Variants in UNC93B1 observed in about 807,000 individuals in gnomAD.
UNC93B1 encodes the protein unc-93B1 regulator of TLR signaling.
In UNC93B1, 33 loss-of-function variants were observed where a neutral mutation model predicts 56.8. The ratio of observed to expected loss-of-function variants is 0.58; its 90% CI spans 0.44 to 0.78. The LOEUF (loss-of-function observed/expected upper bound fraction) is 0.78. UNC93B1 is among the 30% of genes least tolerant of loss of function. The pLI is 0.00. For missense variants in UNC93B1, 673 were observed against 819.5 expected (o/e 0.82, Z 2.18); for synonymous variants, 334 against 358.6 (o/e 0.93, Z 0.77).
At position 68,003,901 on chromosome 11, in the gene UNC93B1, T is replaced by G. The variant is rs541882491; in HGVS notation, c.96+47A>C. On this transcript the variant is annotated intron_variant, in intron 1 of 10. Transcript: ENST00000227471. This position sits in a 1 kb window ranked among gnomAD's most constrained non-coding sequence, Gnocchi z 4.4. Reference sequence around the variant, plus strand: ...CGCCCCGCCCCCGCCGGGGGGACCCTGGCCCACAGGGGACGCCCGCGCCTC... The same window carrying G: ...CGCCCCGCCCCCGCCGGGGGGACCCGGGCCCACAGGGGACGCCCGCGCCTC... 528 of 1,306,824 alleles carry G rather than the reference T, an allele frequency of 4.0e-4. 1 individual carries two copies. The highest frequency in any genetic ancestry group is 6.7e-4 in the Admixed American group (19 of 28,192). The allele number at this position is 1,306,824 out of a possible 1,614,324, so 81.0% of individuals were successfully genotyped here.
At position 67,997,787 on chromosome 11, in the gene UNC93B1, T is replaced by A; in HGVS notation, c.794A>T (p.His265Leu). Reference sequence around the variant, plus strand: ...CTTGTTGAAGCCGCTGAGGATCCCGTGGCTGTTGGTGCCTGGGAAGGGTGG... The same window carrying A: ...CTTGTTGAAGCCGCTGAGGATCCCGAGGCTGTTGGTGCCTGGGAAGGGTGG... ...YNVQSCGTNS[H>L]GILSGFNKTV... The change falls in exon 7 of 11, where the codon CAC becomes CTC. Residue 265 changes from histidine to leucine, a missense_variant. His to Leu is a moderately conservative substitution (Grantham distance 99). This residue lies in a region of UNC93B1 where 438 missense variants were observed against 465.9 expected (regional missense o/e 0.94). Transcript: ENST00000227471. 1 of 1,608,158 alleles carries A rather than the reference T, an allele frequency of 6.2e-7. No homozygotes were observed.
intron 10 of UNC93B1, among the ~76,000 whole-genome samples, chr11:67,992,586 C>T (rs1428393761): frequency 6.6e-6 from 1 of 152,102 alleles, no homozygotes; most frequent in African/African-American, 2.4e-5. Context: ...AATCCTCCTG[C>T]CTCAGCCTCC....
At position 68,003,676 on chromosome 11, in the gene UNC93B1, G is replaced by T; in HGVS notation, c.219C>A (p.Leu73=). 2.0e-6 allele frequency: 3 copies of T among 1,529,524 alleles called. No individual in the cohort carries two copies. The highest frequency in any genetic ancestry group is 2.6e-6 in the Non-Finnish European group (3 of 1,143,314). 94.7% of individuals were successfully genotyped at this position (1,529,524 alleles called of 1,614,324 possible). Residue 73 remains leucine, a synonymous_variant, in exon 2 of 11, where the codon CTC becomes CTA. Transcript: ENST00000227471. The surrounding 1 kb of genome is among the most constrained non-coding windows in gnomAD (Gnocchi z 4.4). ...NVLAASAGGM[L]TYGVYLGLLQ... ...ACCTACCCAGGTAGACGCCGTAGGTGAGCATGCCCCCGGCGCTGGCAGCCA... is the reference window on the plus strand; with the variant it reads ...ACCTACCCAGGTAGACGCCGTAGGTTAGCATGCCCCCGGCGCTGGCAGCCA...
Position 68,003,493 on chromosome 11 carries a change from A to G in UNC93B1, c.238+164T>C. 7 of 1,097,154 alleles carry G rather than the reference A, an allele frequency of 6.4e-6. No individual in the cohort carries two copies. Among genetic ancestry groups the G allele is most frequent in the Non-Finnish European group, 8.6e-6 (7 of 814,650 alleles). The allele number at this position is 1,097,154 out of a possible 1,614,324, so 68.0% of individuals were successfully genotyped here. ...GGCTGGGACCCGGGGACGCTGCGCT[A>G]CTTGACCCCCCAACCCCACCCCCGC... is the stretch of plus-strand genomic sequence containing the variant. On this transcript the variant is annotated intron_variant, in intron 2 of 10. Transcript: ENST00000227471. This position sits in a 1 kb window ranked among gnomAD's most constrained non-coding sequence, Gnocchi z 4.4.
chr11:67,996,487 G>A, intron 8 of UNC93B1, 115 bp downstream of exon 8: 2 of 1,328,294 alleles, frequency 1.5e-6, no homozygotes, highest in Non-Finnish European at 2.0e-6. Context: ...GGATATTTGG[G>A]ATATACATGT....
chr11:67,995,479 T>C (rs1215422341), intron 9 of UNC93B1, 132 bp downstream of exon 9: 2 of 777,834 alleles, frequency 2.6e-6, no homozygotes, highest in East Asian at 5.6e-5. Flanking sequence ...CTCTGCCATG[T>C]CCACAGGACC....
chr11:68,001,239 G>A (rs377514448), intron 3 of UNC93B1, among the ~76,000 whole-genome samples: 3 of 152,078 alleles, frequency 2.0e-5, no homozygotes, highest in African/African-American at 7.2e-5. Context: ...ATAGAGTGTC[G>A]GGCAGACAGG....
Position 68,003,135 on chromosome 11 carries a change from G to A in UNC93B1, c.279C>T (p.Thr93=), listed in dbSNP as rs1374398015. 8 of 1,613,276 alleles carry A rather than the reference G, an allele frequency of 5.0e-6. No homozygotes were observed. In the East Asian group the frequency reaches 1.6e-4, roughly 31 times the overall value. ...QMQLILHYDE[T]YREVKYGNMG... is the part of the protein sequence containing the mutation. ...TGTTGCCATACTTCACCTCGCGGTA[G>A]GTCTCGTCGTAGTGCAGGATCAGCT... Residue 93 remains threonine, a synonymous_variant, in exon 3 of 11, where the codon ACC becomes ACT. Coordinates refer to ENST00000227471, the MANE Select transcript of UNC93B1 (RefSeq NM_030930.4). This position sits in a 1 kb window ranked among gnomAD's most constrained non-coding sequence, Gnocchi z 4.4.
rs2375181 is a variant in UNC93B1 at position 67,991,637 on chromosome 11, C to T, written c.1703G>A (p.Gly568Glu). 24 of 1,522,104 alleles carry T rather than the reference C, an allele frequency of 1.6e-5. No individual in the cohort carries two copies. In the African/African-American group the frequency reaches 2.5e-4, roughly 16 times the overall value. The allele number at this position is 1,522,104 out of a possible 1,614,324, so 94.3% of individuals were successfully genotyped here. The change falls in exon 11 of 11, where the codon GGG (glycine) becomes GAG (glutamate). Residue 568 changes from glycine (G) to glutamate (E), a missense_variant. Coordinates refer to ENST00000227471, the MANE Select transcript of UNC93B1 (RefSeq NM_030930.4). Reference sequence around the variant, plus strand: ...AGCGGGCTCGGGGCCAGGCCTGGGCCCTGCGGGCGGCGCCTCCTCCTCCGC... The same window carrying T: ...AGCGGGCTCGGGGCCAGGCCTGGGCTCTGCGGGCGGCGCCTCCTCCTCCGC... ...DGAEEEAPPA[G>E]PRPGPEPAGL... is the part of the protein sequence containing the mutation.
At position 68,003,537 on chromosome 11, in the gene UNC93B1, C is replaced by T. The variant is rs1857080950; in HGVS notation, c.238+120G>A. Reference sequence around the variant, plus strand: ...CCCCCGCCGCGGGGGGCCGTGGCTGCAGCTGCGAGGGCAGCGGAGGGGAAG... The same window carrying T: ...CCCCCGCCGCGGGGGGCCGTGGCTGTAGCTGCGAGGGCAGCGGAGGGGAAG... On this transcript the variant is annotated intron_variant, in intron 2 of 10. Transcript: ENST00000227471. This position sits in a 1 kb window ranked among gnomAD's most constrained non-coding sequence, Gnocchi z 4.4. 1 of 1,359,836 alleles carries T rather than the reference C, an allele frequency of 7.4e-7. No homozygotes were observed. Among genetic ancestry groups the T allele is most frequent in the Non-Finnish European group, 9.5e-7 (1 of 1,048,516 alleles). The allele number at this position is 1,359,836 out of a possible 1,614,324, so 84.2% of individuals were successfully genotyped here. A position where few individuals can be genotyped will look rare whatever the true frequency, so the allele number is the denominator to read the frequency against.
At chr11:67,999,774 A>C in intron 3 of UNC93B1, 94 bp from the exon 4 acceptor site, 1 of 1,491,400 alleles carries the variant, frequency 6.7e-7, no homozygotes, top group South Asian at 1.3e-5. Flanking sequence ...CCCAGCTCAC[A>C]GGGCTTTGTG....
At position 68,003,427 on chromosome 11, in the gene UNC93B1, C is replaced by T. The variant is rs1857079152; in HGVS notation, c.238+230G>A. ...CAATTCTGACGGTGGCAGGTCTGTC[C>T]GGGAGCCCGGACCCCCGTCCCCCAC... is the stretch of plus-strand genomic sequence containing the variant. On this transcript the variant is annotated intron_variant, in intron 2 of 10. Coordinates refer to ENST00000227471, the MANE Select transcript of UNC93B1 (RefSeq NM_030930.4). The surrounding 1 kb of genome is among the most constrained non-coding windows in gnomAD (Gnocchi z 4.4). The T allele has an allele frequency of 1.2e-6, 1 of 818,278 alleles. No homozygotes were observed. Among genetic ancestry groups the T allele is most frequent in the Non-Finnish European group, 1.8e-6 (1 of 554,590 alleles). 50.7% of individuals were successfully genotyped at this position (818,278 alleles called of 1,614,324 possible). A position where few individuals can be genotyped will look rare whatever the true frequency, so the allele number is the denominator to read the frequency against.
intron 5 of UNC93B1, 120 bp from the exon 6 acceptor site, chr11:67,998,572 G>A (rs1856991364): frequency 1.0e-6 from 1 of 974,828 alleles, no homozygotes; most frequent in Non-Finnish European, 1.6e-6. Context: ...CCCAGTTCTG[G>A]GAGTAGTGTG....
chr11:67,993,336 C>T (rs1259461636), intron 10 of UNC93B1, among the ~76,000 whole-genome samples: 9 of 152,214 alleles, frequency 5.9e-5, no homozygotes, highest in East Asian at 1.9e-4. Context: ...CTTGCTAGAC[C>T]GAGCCACCAT....
intron 9 of UNC93B1, 107 bp from the exon 10 acceptor site, chr11:67,993,901 C>G: frequency 1.2e-6 from 1 of 811,856 alleles, no homozygotes; most frequent in Non-Finnish European, 2.0e-6. Flanking sequence ...GGTCCCAGCC[C>G]CGGACCAGAG....
Position 68,003,404 on chromosome 11 carries a change from A to G in UNC93B1, c.239-229T>C, listed in dbSNP as rs961471033. Reference sequence around the variant, plus strand: ...ACCCGCCTTGCTCCGCCGGCCTCCAATTCTGACGGTGGCAGGTCTGTCCGG... The same window carrying G: ...ACCCGCCTTGCTCCGCCGGCCTCCAGTTCTGACGGTGGCAGGTCTGTCCGG... On this transcript the variant is annotated intron_variant, in intron 2 of 10. Transcript: ENST00000227471. This position sits in a 1 kb window ranked among gnomAD's most constrained non-coding sequence, Gnocchi z 4.4. 2.5e-6 allele frequency: 2 copies of G among 809,982 alleles called. No individual in the cohort carries two copies. Among genetic ancestry groups the G allele is most frequent in the Non-Finnish European group, 3.7e-6 (2 of 545,880 alleles). 50.2% of individuals were successfully genotyped at this position (809,982 alleles called of 1,614,324 possible).
In UNC93B1 at chr11:67,993,549, A is replaced by G; in HGVS notation, c.1482+127T>C. 1.5e-5 allele frequency: 10 copies of G among 667,460 alleles called. No individual in the cohort carries two copies. The South Asian group carries it at 1.6e-4, about 11-fold the overall frequency. The allele number at this position is 667,460 out of a possible 1,614,324, so 41.3% of individuals were successfully genotyped here. A position where few individuals can be genotyped will look rare whatever the true frequency, so the allele number is the denominator to read the frequency against. On this transcript the variant is annotated intron_variant, in intron 10 of 10. Transcript: ENST00000227471. ...AGTTGGGGGCCACCCAGTGGGCTGC[A>G]GGAATGGGGCCTTGGCCCAGAGACT...
intron 10 of UNC93B1, among the ~76,000 whole-genome samples, chr11:67,992,507 T>C (rs1856860987): frequency 6.6e-6 from 1 of 152,182 alleles, no homozygotes; most frequent in Non-Finnish European, 1.5e-5. Flanking sequence ...CCCAGCTATT[T>C]TTTAAATTTT....
intron 9 of UNC93B1, 30 bp downstream of exon 9, chr11:67,995,581 C>G (rs763994461): frequency 1.2e-5 from 2 of 165,140 alleles, no homozygotes; most frequent in East Asian, 1.7e-4. Context: ...GCCCCGCCCC[C>G]CCCCCCCCAG....
Sources: gnomAD v4.1 joint callset for allele counts (sites outside exome capture counted in the v4.1 genomes callset) on GRCh38, gnomAD v4.1.1 for gene constraint, gnomAD v4.1.1 regional missense constraint, Gnocchi (gnomAD v3.1) non-coding constraint, MANE v1.5 for transcripts, NCBI Gene and HGNC (gene_info 2026-07-23, HGNC 2026-07-21) for gene names.